The following PTPRT variants were observed in gnomAD, a reference collection of about 807,000 sequenced individuals.
PTPRT encodes protein tyrosine phosphatase receptor type T, also known as receptor-type tyrosine-protein phosphatase T.
In PTPRT, 56 loss-of-function variants were observed where a neutral mutation model predicts 176.8. That is an observed-to-expected ratio of 0.32 (90% confidence interval 0.26 to 0.40). The LOEUF is 0.40. Ranked by LOEUF, PTPRT falls within the 10% of genes least tolerant of loss-of-function variation. The pLI, the probability that PTPRT is intolerant of heterozygous loss-of-function variation, is 1.00. For missense variants in PTPRT, 1,540 were observed against 1,908.2 expected (o/e 0.81, Z 3.60); for synonymous variants, 783 against 739.0 (o/e 1.06, Z -0.96).
chr20:42,323,680 A>G (rs6030136), intron 11 of PTPRT, among the ~76,000 whole-genome samples: 3,558 of 152,204 alleles, frequency 0.023, 119 homozygotes, highest in African/African-American at 0.08. Flanking sequence ...GTTAATGGGT[A>G]CAGCACACCA....
intron 9 of PTPRT, among the ~76,000 whole-genome samples, chr20:42,416,595 G>A (rs2059068554): frequency 6.6e-6 from 1 of 152,102 alleles, no homozygotes; most frequent in African/African-American, 2.4e-5. Context: ...TTTGCAACCT[G>A]GCCCTATGCA....
intron 2 of PTPRT, among the ~76,000 whole-genome samples, chr20:42,884,589 C>A (rs887480824): frequency 1.3e-5 from 2 of 152,142 alleles, no homozygotes; most frequent in African/African-American, 4.8e-5. Flanking sequence ...AGCACAGAGG[C>A]AGTATCTGAG....
the PTPRT span, among the ~76,000 whole-genome samples, chr20:42,036,913 A>G: frequency 6.6e-6 from 1 of 152,228 alleles, no homozygotes; most frequent in African/African-American, 2.4e-5. Flanking sequence ...GGCAATAAAG[A>G]ATCAGTGGGA....
intron 14 of PTPRT, among the ~76,000 whole-genome samples, chr20:42,239,057 A>G (rs1480967125): frequency 2.6e-5 from 4 of 152,236 alleles, no homozygotes; most frequent in Non-Finnish European, 5.9e-5. Context: ...ATATTAATCT[A>G]AACATCTGGA....
chr20:42,495,888 A>G (rs1049266958), intron 7 of PTPRT, among the ~76,000 whole-genome samples: 2 of 152,008 alleles, frequency 1.3e-5, no homozygotes, highest in African/African-American at 4.8e-5. Context: ...AGAGGTGCCA[A>G]CCTCCCACCC....
rs183502140 is a variant in PTPRT, at chr20:43,086,803, G to C, written c.88+102843C>G. Among the ~76,000 whole-genome samples the C allele has an allele frequency of 2.8e-3, 424 of 152,298 alleles. 1 individual carries two copies. Among genetic ancestry groups the C allele is most frequent in the Non-Finnish European group, 4.7e-3 (318 of 68,022 alleles). Reference sequence around the variant, plus strand: ...ATCCTACTGTTATAACCGGGGGCTGGGAGGGAAGAATTGCTCTTCTAATAG... The same window carrying C: ...ATCCTACTGTTATAACCGGGGGCTGCGAGGGAAGAATTGCTCTTCTAATAG... On this transcript the variant is annotated intron_variant, in intron 1 of 30. Coordinates refer to ENST00000373187, the MANE Select transcript of PTPRT (RefSeq NM_007050.6).
intron 5 of PTPRT, among the ~76,000 whole-genome samples, chr20:42,757,971 T>C (rs2076860000): frequency 6.6e-6 from 1 of 152,212 alleles, no homozygotes; most frequent in Non-Finnish European, 1.5e-5. Flanking sequence ...ACAGCCTTGT[T>C]TGGGGAGTGT....
intron 2 of PTPRT, among the ~76,000 whole-genome samples, chr20:42,832,337 CA>C (rs2078103324): frequency 6.6e-6 from 1 of 151,958 alleles, no homozygotes; most frequent in African/African-American, 2.4e-5. Flanking sequence ...AAGAGGGGAA[CA>C]ACAGGCCCTG....
intron 25 of PTPRT, 34 bp downstream of exon 25, chr20:42,104,535 T>G (rs1220184632): frequency 6.3e-7 from 1 of 1,590,546 alleles, no homozygotes; most frequent in African/African-American, 1.3e-5. Context: ...CCAAACTGAC[T>G]AAGATGGTCA....
chr20:42,590,627 C>G (rs569839569), intron 7 of PTPRT, among the ~76,000 whole-genome samples: 1 of 152,188 alleles, frequency 6.6e-6, no homozygotes, highest in Non-Finnish European at 1.5e-5. Flanking sequence ...CTGAGGACAT[C>G]AGGGAAGCAT....
intron 7 of PTPRT, among the ~76,000 whole-genome samples, chr20:42,627,087 A>G (rs551544900): frequency 4.9e-4 from 74 of 152,178 alleles, no homozygotes; most frequent in African/African-American, 1.7e-3. Context: ...AATGCCCGGG[A>G]TGACCGGGCA....
At chr20:42,992,515 G>A (rs1403750109) in intron 1 of PTPRT, among the ~76,000 whole-genome samples, 2 of 152,198 alleles carry the variant, frequency 1.3e-5, no homozygotes, top group Non-Finnish European at 2.9e-5. Context: ...AGGGTGAGGA[G>A]CAGAAAAAGG....
intron 1 of PTPRT, among the ~76,000 whole-genome samples, chr20:43,153,886 G>A (rs2014440554): frequency 6.6e-6 from 1 of 152,174 alleles, no homozygotes; most frequent in African/African-American, 2.4e-5. Context: ...CCAGGAAAGA[G>A]GAGCGAATGA....
rs549639088 is a variant in PTPRT, at chr20:42,543,473, T to C, written c.1154-70911A>G. Among the ~76,000 whole-genome samples, 16 of 152,272 alleles carry C rather than the reference T, an allele frequency of 1.1e-4. No homozygotes were observed. The East Asian group carries it at 3.1e-3, about 29-fold the overall frequency. On this transcript the variant is annotated intron_variant, in intron 7 of 30. Coordinates refer to ENST00000373187, the MANE Select transcript of PTPRT (RefSeq NM_007050.6). ...TTCAGGCTTCATATCTAATTCTATT[T>C]ATTTTGCTATTTCCACCACATGTGG...
intron 1 of PTPRT, among the ~76,000 whole-genome samples, chr20:42,989,372 A>G (rs1983766810): frequency 6.6e-6 from 1 of 152,246 alleles, no homozygotes; most frequent in Non-Finnish European, 1.5e-5. Context: ...AGAGATGACA[A>G]AATGTAGCAC....
intron 1 of PTPRT, among the ~76,000 whole-genome samples, chr20:43,134,897 C>A (rs1215362808): frequency 1.3e-5 from 2 of 152,292 alleles, no homozygotes; most frequent in South Asian, 2.1e-4. Flanking sequence ...CCAGACAATT[C>A]TTTGACGTAG....
intron 7 of PTPRT, among the ~76,000 whole-genome samples, chr20:42,497,890 T>C (rs959454254): frequency 6.6e-6 from 1 of 152,234 alleles, no homozygotes; most frequent in Non-Finnish European, 1.5e-5. Flanking sequence ...ATTCTTTTTT[T>C]ATTTACAATG....
intron 8 of PTPRT, among the ~76,000 whole-genome samples, chr20:42,457,306 C>T (rs904679898): frequency 2.0e-5 from 3 of 152,106 alleles, no homozygotes; most frequent in Admixed American, 6.6e-5. Context: ...GAACTAATAC[C>T]TTTACAATCT....
At chr20:42,568,992 G>A (rs2073096215) in intron 7 of PTPRT, among the ~76,000 whole-genome samples, 1 of 134,116 alleles carries the variant, frequency 7.5e-6, no homozygotes, top group Non-Finnish European at 1.5e-5. Flanking sequence ...AGGTTGCAGT[G>A]AGCCGAGATC....
Sources: allele counts gnomAD v4.1 joint callset (sites outside exome capture counted in the v4.1 genomes callset), GRCh38; gene constraint gnomAD v4.1.1; transcripts MANE v1.5; gene names NCBI Gene and HGNC (gene_info 2026-07-23, HGNC 2026-07-21).